Variants in RRBP1 observed in about 807,000 individuals in gnomAD.
RRBP1 encodes ribosome binding protein 1.
RRBP1 carries 94 observed loss-of-function variants against 165.2 expected under a neutral mutation model. The observed-to-expected ratio is 0.57, with a 90% CI of 0.48 to 0.68. The LOEUF (loss-of-function observed/expected upper bound fraction) is 0.68. RRBP1 is among the 30% of genes least tolerant of loss of function. The pLI is 0.00. For missense variants in RRBP1, 1,676 were observed against 1,763.0 expected (o/e 0.95, Z 0.88); for synonymous variants, 680 against 714.5 (o/e 0.95, Z 0.77).
In RRBP1 at chr20:17,681,736, G is replaced by C. The variant is rs2037194143; in HGVS notation, c.-99+292C>G. 1.3e-5 allele frequency among the ~76,000 whole-genome samples: 2 copies of C among 150,518 alleles called. 1 individual carries two copies. Among genetic ancestry groups the C allele is most frequent in the South Asian group, 4.1e-4 (2 of 4,826 alleles). ...GGAGGGAGGGAGGCAGGGAGCGGTC[G>C]CCACGTCGCGCCCGTCTGCCGCCGC... On this transcript the variant is annotated intron_variant, in intron 1 of 24. Transcript: ENST00000377813.
rs777797312 is a variant in RRBP1, at chr20:17,660,258, G to A, written c.250C>T (p.Pro84Ser). The A allele has an allele frequency of 1.2e-6, 2 of 1,610,230 alleles. No individual in the cohort carries two copies. Among genetic ancestry groups the A allele is most frequent in the East Asian group, 2.2e-5 (1 of 44,824 alleles). ...ACATTGGGGGCTGGATCATGATCAG[G>A]TATCTTCCCATTAGGTTTCTCTTCC... is the stretch of plus-strand genomic sequence containing the variant. ...KKEEKPNGKI[P>S]DHDPAPNVTV... Residue 84 changes from proline to serine, a missense_variant, in exon 3 of 25, where the codon CCT becomes TCT. By Grantham distance (74) the Pro-to-Ser change is moderately conservative. Transcript: ENST00000377813.
intron 21 of RRBP1, 130 bp from the exon 22 acceptor site, chr20:17,616,139 T>A: frequency 1.4e-6 from 1 of 740,046 alleles, no homozygotes. Context: ...CTCCCCTCGT[T>A]GGGGAGAGGG....
At position 17,627,709 on chromosome 20, in the gene RRBP1, G is replaced by T. The variant is rs750526416; in HGVS notation, c.2750-27C>A. ...TGGTGCAGAGGAAGGGAAACGAGAA[G>T]TTAAGAGACTGCAAACCCCAGGGGG... On this transcript the variant is annotated intron_variant, in intron 9 of 24. Transcript: ENST00000377813. 4.5e-6 allele frequency: 7 copies of T among 1,558,810 alleles called. No individual in the cohort carries two copies. The African/African-American group carries it at 8.2e-5, about 18-fold the overall frequency.
chr20:17,635,703 C>T, intron 6 of RRBP1, 39 bp from the exon 7 acceptor site: 1 of 1,497,356 alleles, frequency 6.7e-7, no homozygotes, highest in South Asian at 1.1e-5. Context: ...GGCAGCTCGG[C>T]CTCACACACA....
intron 6 of RRBP1, among the ~76,000 whole-genome samples, chr20:17,636,019 T>A (rs572718991): frequency 6.6e-5 from 10 of 152,310 alleles, no homozygotes; most frequent in Middle Eastern, 3.4e-3. Context: ...CTAACCCCCC[T>A]GAGGAAGCCT....
chr20:17,664,196 G>A (rs1256705486), intron 2 of RRBP1, among the ~76,000 whole-genome samples: 1 of 152,214 alleles, frequency 6.6e-6, no homozygotes, highest in Non-Finnish European at 1.5e-5. Flanking sequence ...CACGCACTGT[G>A]ATACCAGACA....
intron 5 of RRBP1, among the ~76,000 whole-genome samples, chr20:17,637,768 T>G (rs1403255404): frequency 6.6e-6 from 1 of 152,194 alleles, no homozygotes; most frequent in African/African-American, 2.4e-5. Flanking sequence ...TTGGCCTCAC[T>G]TTTCAAAGAC....
At chr20:17,619,479 C>A (rs1163584028) in intron 19 of RRBP1, 154 bp downstream of exon 19, 2 of 539,152 alleles carry the variant, frequency 3.7e-6, no homozygotes, top group Admixed American at 3.7e-5. Context: ...GACAGCCCAA[C>A]GAGGGGCCTG....
rs142098664 is a variant in RRBP1 at position 17,624,856 on chromosome 20, C to T, written c.3055-188G>A. On this transcript the variant is annotated intron_variant, in intron 12 of 24. Coordinates refer to ENST00000377813, the MANE Select transcript of RRBP1 (RefSeq NM_001365613.2). ...GCGCCTGAACACAAGGCCTGGGTGC[C>T]GTAGCCAGAGGCGGGCAGCATGGCA... is the stretch of plus-strand genomic sequence containing the variant. Among the ~76,000 whole-genome samples the T allele has an allele frequency of 2.5e-3, 382 of 152,344 alleles. 1 individual carries two copies. The highest frequency in any genetic ancestry group is 2.5e-3 in the Non-Finnish European group (172 of 68,022).
At chr20:17,655,406 CTTG>C (rs2036628864) in intron 3 of RRBP1, among the ~76,000 whole-genome samples, 1 of 152,222 alleles carries the variant, frequency 6.6e-6, no homozygotes, top group African/African-American at 2.4e-5. Context: ...TACGGTTTAT[CTTG>C]TTATCACTCA....
Position 17,659,625 on chromosome 20 carries a change from C to G in RRBP1, c.883G>C (p.Ala295Pro), listed in dbSNP as rs45556733. The G allele has an allele frequency of 5.4e-5, 83 of 1,549,984 alleles. No homozygotes were observed. Among genetic ancestry groups the G allele is most frequent in the Non-Finnish European group, 6.5e-5 (75 of 1,146,834 alleles). Residue 295 changes from alanine to proline, a missense_variant, in exon 3 of 25, where the codon GCT (alanine) becomes CCT (proline). Ala to Pro is a conservative substitution (Grantham distance 27). Transcript: ENST00000377813. The part of the protein sequence containing the change: ...APTQGRKAEG[A>P]QNQAKKVEGA... ...TCTACCTTTTTGGCCTGGTTCTGAGCCCCCTCGGCCTTTCTGCCCTGGGTT... is the reference window on the plus strand; with the variant it reads ...TCTACCTTTTTGGCCTGGTTCTGAGGCCCCTCGGCCTTTCTGCCCTGGGTT...
chr20:17,650,027 C>A (rs756460638), intron 3 of RRBP1, among the ~76,000 whole-genome samples: 1 of 152,108 alleles, frequency 6.6e-6, no homozygotes, highest in Non-Finnish European at 1.5e-5. Flanking sequence ...AAAGGAGCAA[C>A]GTGTTCCTTG....
Position 17,614,201 on chromosome 20 carries a change from T to C in RRBP1, c.4214A>G (p.Lys1405Arg). 3 of 1,613,886 alleles carry C rather than the reference T, an allele frequency of 1.9e-6. No homozygotes were observed. The highest frequency in any genetic ancestry group is 2.5e-6 in the Non-Finnish European group (3 of 1,180,006). The change falls in exon 25 of 25, where the codon AAG becomes AGG. Residue 1405 changes from lysine to arginine, a missense_variant. By Grantham distance (26) the Lys-to-Arg change is conservative (BLOSUM62 2). Transcript: ENST00000377813. ...GGAAACTCAGACAGAGGTGCCCTCCTTTGAGCTGCTGCCGTCCTCCTGTGA... is the reference window on the plus strand; with the variant it reads ...GGAAACTCAGACAGAGGTGCCCTCCCTTGAGCTGCTGCCGTCCTCCTGTGA... ...LEKAEDGSSS[K>R]EGTSV is the part of the protein sequence containing the mutation.
chr20:17,660,164 G>T lies in RRBP1; in HGVS notation c.344C>A (p.Pro115His), dbSNP rs757169933. 2 of 1,614,120 alleles carry T rather than the reference G, an allele frequency of 1.2e-6. No homozygotes were observed. Among genetic ancestry groups the T allele is most frequent in the East Asian group, 2.2e-5 (1 of 44,878 alleles). The change falls in exon 3 of 25, where the codon CCC (proline) becomes CAC (histidine). Residue 115 changes from proline (P) to histidine (H), a missense_variant. Pro to His is a moderately conservative substitution (Grantham distance 77). Transcript: ENST00000377813. Reference sequence around the variant, plus strand: ...TGTGGCGACAGGAGCAACGATAATGGGGGGCTGCACTGGGGTTGGAGCCAC... The same window carrying T: ...TGTGGCGACAGGAGCAACGATAATGTGGGGCTGCACTGGGGTTGGAGCCAC... The part of the protein sequence containing the change: ...VAVAPTPVQP[P>H]IIVAPVATVP...
At chr20:17,653,616 A>C (rs867652817) in intron 3 of RRBP1, among the ~76,000 whole-genome samples, 2 of 152,190 alleles carry the variant, frequency 1.3e-5, no homozygotes, top group Admixed American at 6.5e-5. Flanking sequence ...CGGGTGGATC[A>C]CCTGAGGTCA....
chr20:17,681,884 C>CGCGGCGGCAG (rs2037198765), intron 1 of RRBP1, 144 bp downstream of exon 1: 1 of 147,712 alleles, frequency 6.8e-6, no homozygotes, highest in South Asian at 2.1e-4. Context: ...GGTGCACGGC[C>CGCGGCGGCAG]GCGGCGGCAG....
intron 2 of RRBP1, among the ~76,000 whole-genome samples, chr20:17,671,987 A>G (rs1190825920): frequency 6.6e-6 from 1 of 152,200 alleles, no homozygotes; most frequent in East Asian, 1.9e-4. Flanking sequence ...AAGAAAAGGG[A>G]GCACGTGGCT....
chr20:17,681,205 G>A (rs1264832690), intron 1 of RRBP1, among the ~76,000 whole-genome samples: 1 of 148,846 alleles, frequency 6.7e-6, no homozygotes, highest in East Asian at 2.0e-4. Context: ...CCGCGGGCGG[G>A]GCGGGCCGGG....
At chr20:17,622,517 G>A (rs986360607) in intron 13 of RRBP1, among the ~76,000 whole-genome samples, 1 of 151,994 alleles carries the variant, frequency 6.6e-6, no homozygotes, top group African/African-American at 2.4e-5. Flanking sequence ...TGGAGAGGGT[G>A]GATCAGCATT....
Sources: gnomAD v4.1 joint callset for allele counts (sites outside exome capture counted in the v4.1 genomes callset) on GRCh38, gnomAD v4.1.1 for gene constraint, MANE v1.5 for transcripts, NCBI Gene and HGNC (gene_info 2026-07-23, HGNC 2026-07-21) for gene names.